STAB2: variants seen among roughly 807,000 people sequenced by gnomAD.
STAB2 encodes the protein stabilin-2.
A neutral mutation model predicts 338.1 loss-of-function variants in STAB2; 288 were observed. The ratio of observed to expected loss-of-function variants is 0.85; its 90% CI spans 0.77 to 0.94. The LOEUF (loss-of-function observed/expected upper bound fraction) is 0.94. Among genes scored for constraint, STAB2 ranks in the 40% least tolerant of loss-of-function variants. The pLI is 0.00. For synonymous variants in STAB2, 1,202 were observed against 1,193.3 expected (o/e 1.01, Z -0.15); for missense variants, 3,141 against 3,210.1 (o/e 0.98, Z 0.52).
chr12:103,704,295 A>C (rs1879151526), intron 35 of STAB2, among the ~76,000 whole-genome samples: 1 of 152,214 alleles, frequency 6.6e-6, no homozygotes, highest in South Asian at 2.1e-4. Flanking sequence ...TAATAAATAA[A>C]AGTTATTGTT....
intron 9 of STAB2, among the ~76,000 whole-genome samples, chr12:103,645,431 C>A (rs991340929): frequency 6.6e-6 from 1 of 152,216 alleles, no homozygotes; most frequent in Non-Finnish European, 1.5e-5. Flanking sequence ...AGTCACTTGA[C>A]ACAAAACAGA....
intron 34 of STAB2, among the ~76,000 whole-genome samples, chr12:103,702,017 CACACA>C (rs1878922123): frequency 7.0e-6 from 1 of 142,004 alleles, no homozygotes; most frequent in Admixed American, 7.0e-5. Flanking sequence ...CACACACACA[CACACA>C]CCCCACCCCA....
rs555854228 is a variant in STAB2, at chr12:103,661,768, T to C, written c.1869+1005T>C. ...GACATTCCAGAGGGAACAGCAAGGG[T>C]GAAAAGCACAGAGCAGAAAGGAGCA... is the stretch of plus-strand genomic sequence containing the variant. On this transcript the variant is annotated intron_variant, in intron 17 of 68. Transcript: ENST00000388887. 1.8e-3 allele frequency among the ~76,000 whole-genome samples: 271 copies of C among 151,190 alleles called. 1 individual carries two copies. The highest frequency in any genetic ancestry group is 5.9e-3 in the African/African-American group (244 of 41,092).
In STAB2 at chr12:103,668,648, C is replaced by T; in HGVS notation, c.2091C>T (p.Leu697=). Residue 697 remains leucine (L), a synonymous_variant, in exon 20 of 69, where the codon CTC becomes CTT. Coordinates refer to ENST00000388887, the MANE Select transcript of STAB2 (RefSeq NM_017564.10). The stretch of plus-strand genomic sequence containing the variant: ...CCCTCCTTGGCTTTCTCCAGGCACT[C>T]TTCACACACAGATGTGTCTACAGTG... The part of the protein sequence containing the change: ...RCPANSEPTA[L]FTHRCVYSGR... The T allele has an allele frequency of 1.3e-6, 2 of 1,551,898 alleles. No individual in the cohort carries two copies. Among genetic ancestry groups the T allele is most frequent in the Non-Finnish European group, 1.7e-6 (2 of 1,147,152 alleles).
At position 103,704,628 on chromosome 12, in the gene STAB2, C is replaced by G; in HGVS notation, c.3900+14C>G. The G allele has an allele frequency of 6.2e-7, 1 of 1,612,934 alleles. No homozygotes were observed. The highest frequency in any genetic ancestry group is 8.5e-7 in the Non-Finnish European group (1 of 1,179,462). Reference sequence around the variant, plus strand: ...ACTAAATCTCTAGTAAGTACTTTGTCTGTTTTGATAAAATAGTTTCCAGAT... The same window carrying G: ...ACTAAATCTCTAGTAAGTACTTTGTGTGTTTTGATAAAATAGTTTCCAGAT... On this transcript the variant is annotated intron_variant, in intron 36 of 68. Coordinates refer to ENST00000388887, the MANE Select transcript of STAB2 (RefSeq NM_017564.10).
rs1226203245 is a variant in STAB2, at chr12:103,695,673, C to A, written c.3474+25C>A. 11 of 1,613,684 alleles carry A rather than the reference C, an allele frequency of 6.8e-6. 1 individual carries two copies. In the Admixed American group the frequency reaches 1.0e-4, roughly 15 times the overall value. ...TGCAAGTACCACATTCTCTGCCTGA[C>A]CACCATGCTCAGGTTACCCAGGAAC... On this transcript the variant is annotated intron_variant, in intron 32 of 68. Coordinates refer to ENST00000388887, the MANE Select transcript of STAB2 (RefSeq NM_017564.10).
chr12:103,643,228 A>G (rs538199903), intron 9 of STAB2, among the ~76,000 whole-genome samples: 1 of 152,036 alleles, frequency 6.6e-6, no homozygotes, highest in Non-Finnish European at 1.5e-5. Flanking sequence ...TGATTTAATT[A>G]TTATACCTCC....
Position 103,690,426 on chromosome 12 carries a change from A to T in STAB2, c.3185A>T (p.Tyr1062Phe). Residue 1062 changes from tyrosine to phenylalanine, a missense_variant and splice_region_variant, in exon 30 of 69, where the codon TAC becomes TTC. Transcript: ENST00000388887. ...SQSNIPALIKYHMLLGTYRVA... is the reference protein window; with the variant it reads ...SQSNIPALIKFHMLLGTYRVA... ...GCCTTTGTGGACTATTGTTTCAGGT[A>T]CCATATGCTACTAGGCACATACAGA... The T allele has an allele frequency of 1.2e-6, 2 of 1,611,540 alleles. No homozygotes were observed. The highest frequency in any genetic ancestry group is 1.7e-6 in the Non-Finnish European group (2 of 1,178,294).
intron 41 of STAB2, among the ~76,000 whole-genome samples, chr12:103,713,188 A>G (rs530453271): frequency 6.6e-6 from 1 of 152,236 alleles, no homozygotes; most frequent in Non-Finnish European, 1.5e-5. Flanking sequence ...TGAAGTGCTT[A>G]GAACAGACCC....
At chr12:103,690,194 A>G (rs1877801832) in intron 29 of STAB2, among the ~76,000 whole-genome samples, 1 of 152,208 alleles carries the variant, frequency 6.6e-6, no homozygotes, top group Non-Finnish European at 1.5e-5. Context: ...TAACCCAGTT[A>G]ATTCTCTCAA....
intron 43 of STAB2, among the ~76,000 whole-genome samples, chr12:103,716,442 CT>C (rs1880319510): frequency 6.6e-6 from 1 of 152,176 alleles, no homozygotes; most frequent in African/African-American, 2.4e-5. Flanking sequence ...CAAGTTCGGC[CT>C]TCCTCAGTTT....
rs200450482 is a variant in STAB2, at chr12:103,674,107, G to A, written c.2552+20G>A. The A allele has an allele frequency of 1.1e-4, 176 of 1,599,534 alleles. 2 individuals carry two copies. In the Middle Eastern group the frequency reaches 1.7e-3, roughly 15 times the overall value. ...AGCCAGGTAGGTCTGTGAGGGAATG[G>A]CCCTTAATGACGCTGAGTCATTAAG... is the stretch of plus-strand genomic sequence containing the variant. On this transcript the variant is annotated intron_variant, in intron 23 of 68. Coordinates refer to ENST00000388887, the MANE Select transcript of STAB2 (RefSeq NM_017564.10).
intron 6 of STAB2, among the ~76,000 whole-genome samples, chr12:103,635,611 C>T (rs1447471423): frequency 1.5e-4 from 23 of 152,208 alleles, no homozygotes; most frequent in Non-Finnish European, 3.1e-4. Context: ...GTACTCCTCT[C>T]CTCAGCCCCA....
At chr12:103,749,282 G>A in intron 59 of STAB2, 126 bp downstream of exon 59, 1 of 1,120,190 alleles carries the variant, frequency 8.9e-7, no homozygotes, top group Non-Finnish European at 1.2e-6. Context: ...AGCACAGTCT[G>A]TTTCTTGTTA....
chr12:103,670,969 G>A (rs752034893), intron 22 of STAB2, among the ~76,000 whole-genome samples, 162 bp downstream of exon 22: 3 of 152,168 alleles, frequency 2.0e-5, no homozygotes, highest in South Asian at 2.1e-4. Flanking sequence ...TGGAGCGTGT[G>A]TCAGAGGGCT....
chr12:103,633,624 G>T lies in STAB2; in HGVS notation c.583+1931G>T, dbSNP rs537014611. 5.8e-4 allele frequency among the ~76,000 whole-genome samples: 88 copies of T among 152,164 alleles called. 1 individual carries two copies. The highest frequency in any genetic ancestry group is 5.2e-3 in the Admixed American group (80 of 15,296). On this transcript the variant is annotated intron_variant, in intron 6 of 68. Transcript: ENST00000388887. ...TCGAACCCGGGAGGTGGAGGTTGTG[G>T]TGAGCCGAGATCACACCATTGCACT...
rs747253865 is a variant in STAB2, at chr12:103,746,640, C to A, written c.6180C>A (p.Thr2060=). The change falls in exon 58 of 69, where the codon ACC becomes ACA. Residue 2060 remains threonine (T), a synonymous_variant. Transcript: ENST00000388887. Reference sequence around the variant, plus strand: ...CGCCTCCTTGTTCTGCTCATGCCACCTGTAAGGAGAACAACACGTGTGAGT... The same window carrying A: ...CGCCTCCTTGTTCTGCTCATGCCACATGTAAGGAGAACAACACGTGTGAGT... ...VCTPPCSAHA[T]CKENNTCECN... 16 of 1,614,132 alleles carry A rather than the reference C, an allele frequency of 9.9e-6. No homozygotes were observed. In the African/African-American group the frequency reaches 2.0e-4, roughly 20 times the overall value.
chr12:103,699,251 C>G, intron 34 of STAB2, 24 bp downstream of exon 34: 2 of 1,570,068 alleles, frequency 1.3e-6, no homozygotes, highest in Non-Finnish European at 1.7e-6. Flanking sequence ...ATGTAAAACC[C>G]CAGCAATGCC....
intron 2 of STAB2, among the ~76,000 whole-genome samples, chr12:103,592,469 T>C (rs1956814448): frequency 6.6e-6 from 1 of 152,174 alleles, no homozygotes; most frequent in Non-Finnish European, 1.5e-5. Flanking sequence ...ATGACTTTGG[T>C]CTATCATTCA....
Sources: allele counts gnomAD v4.1 joint callset (sites outside exome capture counted in the v4.1 genomes callset), GRCh38; gene constraint gnomAD v4.1.1; transcripts MANE v1.5; gene names NCBI Gene and HGNC (gene_info 2026-07-23, HGNC 2026-07-21).